The following CTDP1 variants were observed in gnomAD, a reference collection of about 807,000 sequenced individuals.
CTDP1 encodes RNA polymerase II subunit A C-terminal domain phosphatase.
CTDP1 carries 47 observed loss-of-function variants against 91.8 expected under a neutral mutation model. The ratio of observed to expected loss-of-function variants is 0.51; its 90% CI spans 0.41 to 0.65. The LOEUF (loss-of-function observed/expected upper bound fraction) is 0.65. Ranked by LOEUF, CTDP1 falls within the 30% of genes least tolerant of loss-of-function variation. The pLI is 0.00. For missense variants in CTDP1, 1,272 were observed against 1,373.7 expected, an observed-to-expected ratio of 0.93 and a Z score of 1.17; for synonymous variants, 656 against 598.5, an observed-to-expected ratio of 1.10 and a Z score of -1.40.
rs191030747 is a variant in CTDP1 at position 79,739,795 on chromosome 18, T to C, written c.2747+3274T>C. Among the ~76,000 whole-genome samples the C allele has an allele frequency of 7.3e-3, 1,102 of 150,522 alleles. 15 individuals are homozygous for C. Among genetic ancestry groups the C allele is most frequent in the African/African-American group, 0.025 (1,034 of 40,590 alleles). ...GCCGCCAGGACGGGTGGGACTCTCA[T>C]ACCCACGGCCGGGACGGGTGGGACT... On this transcript the variant is annotated intron_variant, in intron 12 of 12. Transcript: ENST00000613122.
At chr18:79,695,778 G>A (rs2122491736) in intron 2 of CTDP1, among the ~76,000 whole-genome samples, 199 bp from the exon 3 acceptor site, 1 of 152,350 alleles carries the variant, frequency 6.6e-6, no homozygotes, top group African/African-American at 2.4e-5. Context: ...GTTCATGAGT[G>A]TGGCCACGAG....
At chr18:79,699,126 C>G (rs1353738552) in intron 4 of CTDP1, among the ~76,000 whole-genome samples, 1 of 152,164 alleles carries the variant, frequency 6.6e-6, no homozygotes, top group East Asian at 1.9e-4. Flanking sequence ...AAAACAGCTT[C>G]TATTTCTGGC....
At chr18:79,716,065 G>A (rs534851493) in intron 8 of CTDP1, among the ~76,000 whole-genome samples, 4 of 152,198 alleles carry the variant, frequency 2.6e-5, no homozygotes, top group Non-Finnish European at 5.9e-5. Context: ...TTCAGCAATA[G>A]GTGATTCTTG....
At chr18:79,746,314 G>A (rs368149448) in intron 12 of CTDP1, among the ~76,000 whole-genome samples, 2 of 127,588 alleles carry the variant, frequency 1.6e-5, no homozygotes, top group Non-Finnish European at 3.3e-5. Context: ...CCTCCCGTGC[G>A]CGTTCTGTCC....
rs2087053381 is a variant in CTDP1, at chr18:79,753,938, T to G, written c.*148T>G. The G allele has an allele frequency of 8.8e-7, 1 of 1,138,896 alleles. No individual in the cohort carries two copies. The highest frequency in any genetic ancestry group is 1.2e-6 in the Non-Finnish European group (1 of 806,002). The allele number at this position is 1,138,896 out of a possible 1,614,324, so 70.5% of individuals were successfully genotyped here. A position where few individuals can be genotyped will look rare whatever the true frequency, so the allele number is the denominator to read the frequency against. ...CTCCACATACAGAAACACATTATTTTGCAGAAATAGGTGTTTTTAAGAAGT... is the reference window on the plus strand; with the variant it reads ...CTCCACATACAGAAACACATTATTTGGCAGAAATAGGTGTTTTTAAGAAGT... On this transcript the variant is annotated 3_prime_UTR_variant, in exon 13 of 13. Transcript: ENST00000613122.
Position 79,679,886 on chromosome 18 carries a change from G to A in CTDP1, c.-62G>A. ...CCGCCTGGGTTGTGTCGCCGCGGTA[G>A]GCGCTGCGCTCTGAGCGCAGCGCAG... On this transcript the variant is annotated 5_prime_UTR_variant, in exon 1 of 13. Coordinates refer to ENST00000613122, the MANE Select transcript of CTDP1 (RefSeq NM_004715.5). 7.6e-7 allele frequency: 1 copy of A among 1,321,434 alleles called. No individual in the cohort carries two copies. Among genetic ancestry groups the A allele is most frequent in the Non-Finnish European group, 9.8e-7 (1 of 1,022,876 alleles). The allele number at this position is 1,321,434 out of a possible 1,614,324, so 81.9% of individuals were successfully genotyped here.
chr18:79,753,274 G>C (rs2087035601), intron 12 of CTDP1, among the ~76,000 whole-genome samples: 1 of 152,268 alleles, frequency 6.6e-6, no homozygotes, highest in South Asian at 2.1e-4. Context: ...TGAGCTGGGA[G>C]GTGCTTGTTC....
intron 12 of CTDP1, among the ~76,000 whole-genome samples, chr18:79,751,494 G>C (rs909023723): frequency 2.0e-5 from 3 of 152,182 alleles, no homozygotes; most frequent in Non-Finnish European, 1.5e-5. Context: ...GAACGAGCTT[G>C]TCGTGACTGA....
intron 10 of CTDP1, among the ~76,000 whole-genome samples, chr18:79,722,423 TC>T: frequency 2.0e-5 from 3 of 152,336 alleles, no homozygotes; most frequent in Middle Eastern, 6.8e-3. Flanking sequence ...GATGAAATTT[TC>T]TTCTGTTTTT....
chr18:79,731,321 G>A (rs1309443312), intron 11 of CTDP1, among the ~76,000 whole-genome samples: 1 of 152,210 alleles, frequency 6.6e-6, no homozygotes, highest in African/African-American at 2.4e-5. Context: ...TGCTCCAGTG[G>A]TAGAGGAAGG....
intron 12 of CTDP1, among the ~76,000 whole-genome samples, chr18:79,746,464 G>A (rs180929931): frequency 2.6e-5 from 4 of 152,364 alleles, no homozygotes; most frequent in East Asian, 1.9e-4. Context: ...GGTTGTGTTC[G>A]TTCTCCCTTC....
At chr18:79,753,589 A>G (rs1312247156) in intron 12 of CTDP1, 63 bp from the exon 13 acceptor site, 2 of 1,613,336 alleles carry the variant, frequency 1.2e-6, no homozygotes, top group Non-Finnish European at 1.7e-6. Context: ...AATGCAGACC[A>G]GGCGGTGACC....
chr18:79,753,646 C>T lies in CTDP1; in HGVS notation c.2748-6C>T. On this transcript the variant is annotated splice_region_variant and splice_polypyrimidine_tract_variant and intron_variant, in intron 12 of 12. Transcript: ENST00000613122. ...AGCATCTCACACCATGTTTGCTTCT[C>T]TGCAGAGGCCACAAGAGGAAGCTGA... 6.2e-7 allele frequency: 1 copy of T among 1,614,146 alleles called. No individual in the cohort carries two copies. The highest frequency in any genetic ancestry group is 8.5e-7 in the Non-Finnish European group (1 of 1,179,984).
At chr18:79,719,405 T>G (rs1599264774) in intron 10 of CTDP1, among the ~76,000 whole-genome samples, 1 of 147,634 alleles carries the variant, frequency 6.8e-6, no homozygotes, top group African/African-American at 2.5e-5. Context: ...ACCTAGGGGG[T>G]GGGGGGTTTG....
chr18:79,677,696 T>C (rs530677023), upstream of CTDP1: 1 of 152,418 alleles, frequency 6.6e-6, no homozygotes, highest in Admixed American at 6.5e-5. Context: ...TCTGTAAATG[T>C]TGCCCATGCT....
chr18:79,710,291 G>A (rs186012853), intron 5 of CTDP1, 55 bp from the exon 6 acceptor site: 13 of 1,374,180 alleles, frequency 9.5e-6, no homozygotes, highest in African/African-American at 7.1e-5. Flanking sequence ...ACCATGTGCC[G>A]TGTGACCGAA....
Position 79,715,097 on chromosome 18 carries a change from A to G in CTDP1, c.1637A>G (p.Asn546Ser). 1 of 1,613,218 alleles carries G rather than the reference A, an allele frequency of 6.2e-7. No individual in the cohort carries two copies. Among genetic ancestry groups the G allele is most frequent in the Non-Finnish European group, 8.5e-7 (1 of 1,179,882 alleles). The change falls in exon 8 of 13, where the codon AAC becomes AGC. Residue 546 changes from asparagine (N) to serine (S), a missense_variant. Coordinates refer to ENST00000613122, the MANE Select transcript of CTDP1 (RefSeq NM_004715.5). ...GERDGLCGLG[N>S]GCADRKEAET... is the part of the protein sequence containing the mutation. ...CGGGATGGCCTCTGCGGCCTGGGCA[A>G]CGGCTGTGCCGACAGGAAGGAGGCG...
chr18:79,687,755 G>A (rs897624866), intron 1 of CTDP1, among the ~76,000 whole-genome samples: 4 of 152,294 alleles, frequency 2.6e-5, no homozygotes, highest in African/African-American at 4.8e-5. Flanking sequence ...ACCACCAGGG[G>A]GTTAAAGTGT....
intron 5 of CTDP1, among the ~76,000 whole-genome samples, chr18:79,705,373 C>CGGT (rs965580684): frequency 2.6e-5 from 4 of 152,126 alleles, no homozygotes; most frequent in African/African-American, 9.7e-5. Flanking sequence ...TGCCAGGCTA[C>CGGT]GGTGCCCTCT....
Sources: allele counts gnomAD v4.1 joint callset (sites outside exome capture counted in the v4.1 genomes callset), GRCh38; gene constraint gnomAD v4.1.1; transcripts MANE v1.5; gene names NCBI Gene and HGNC (gene_info 2026-07-23, HGNC 2026-07-21).